CAST: variants seen among roughly 807,000 people sequenced by gnomAD.
The protein encoded by CAST is MIR583 host.
Under a neutral mutation model 119.6 loss-of-function variants are expected in CAST, and 76 were observed. That is an observed-to-expected ratio of 0.64 (90% CI 0.53 to 0.77). The LOEUF (loss-of-function observed/expected upper bound fraction) is 0.77, where lower values mean the gene tolerates loss of function less well. Ranked by LOEUF, CAST falls within the 30% of genes least tolerant of loss-of-function variation. The pLI is 0.00. For missense variants in CAST, 953 were observed against 946.5 expected (o/e 1.01, Z -0.09); for synonymous variants, 319 against 331.6 (o/e 0.96, Z 0.41).
chr5:96,412,752 GTTTT>G, the CAST span, among the ~76,000 whole-genome samples: 14 of 71,806 alleles, frequency 1.9e-4, no homozygotes, highest in African/African-American at 1.3e-3. Context: ...CAGCTGTGAT[GTTTT>G]TTTTTTTTTT....
the CAST span, among the ~76,000 whole-genome samples, chr5:96,402,665 C>A: frequency 1.3e-5 from 2 of 152,106 alleles, no homozygotes; most frequent in Non-Finnish European, 2.9e-5. Context: ...GTGTTTTCTC[C>A]GGTTTCAGAC....
At chr5:96,400,651 T>A in the CAST span, among the ~76,000 whole-genome samples, 2 of 152,238 alleles carry the variant, frequency 1.3e-5, no homozygotes, top group Non-Finnish European at 2.9e-5. Flanking sequence ...AGACACAGAC[T>A]GGCTACCTGC....
At chr5:96,175,277 G>A in the CAST span, among the ~76,000 whole-genome samples, 14 of 152,222 alleles carry the variant, frequency 9.2e-5, no homozygotes, top group Middle Eastern at 3.4e-3. Context: ...AAGTACAAGG[G>A]ACTTTCAGTT....
chr5:96,601,385 T>C (rs756740922), intron 1 of CAST, among the ~76,000 whole-genome samples: 3 of 152,216 alleles, frequency 2.0e-5, no homozygotes, highest in Non-Finnish European at 4.4e-5. Flanking sequence ...TTCCGCAGGA[T>C]CTGTGACCTT....
chr5:96,412,436 C>T, the CAST span: 2 of 1,614,014 alleles, frequency 1.2e-6, no homozygotes, highest in Non-Finnish European at 1.7e-6. Context: ...AGGATTGAAT[C>T]CAATTGAACT....
At chr5:96,123,509 G>A in the CAST span, among the ~76,000 whole-genome samples, 27 of 152,142 alleles carry the variant, frequency 1.8e-4, no homozygotes, top group African/African-American at 6.5e-4. Context: ...TTATTGGCAT[G>A]CATTTTAAGG....
At chr5:96,126,768 A>G in the CAST span, among the ~76,000 whole-genome samples, 15 of 152,244 alleles carry the variant, frequency 9.9e-5, no homozygotes, top group South Asian at 8.3e-4. Context: ...ATCTTTTTTA[A>G]TCTCTATAAT....
chr5:96,576,831 T>C (rs1252003021), intron 1 of CAST, among the ~76,000 whole-genome samples: 2 of 152,072 alleles, frequency 1.3e-5, no homozygotes, highest in African/African-American at 4.8e-5. Context: ...CTCTTTCCAG[T>C]TTTATTTTTT....
At chr5:96,002,416 G>A in the CAST span, among the ~76,000 whole-genome samples, 4 of 152,158 alleles carry the variant, frequency 2.6e-5, no homozygotes, top group African/African-American at 9.7e-5. Flanking sequence ...CAGGTCCTCT[G>A]CATGTGGTAG....
chr5:96,758,998 T>C (rs1332845627), intron 24 of CAST, among the ~76,000 whole-genome samples: 6 of 152,180 alleles, frequency 3.9e-5, no homozygotes, highest in Non-Finnish European at 2.9e-5. Flanking sequence ...GGTTGTTTTT[T>C]CTTTTAGAAA....
the CAST span, among the ~76,000 whole-genome samples, chr5:96,462,020 G>T: frequency 6.6e-6 from 1 of 152,078 alleles, no homozygotes; most frequent in African/African-American, 2.4e-5. Context: ...ATAGCATGGG[G>T]TCTTGAAAAG....
chr5:96,262,117 A>G, the CAST span, among the ~76,000 whole-genome samples: 1 of 152,226 alleles, frequency 6.6e-6, no homozygotes, highest in Non-Finnish European at 1.5e-5. Flanking sequence ...CTTGTGATGA[A>G]CTAGAAGCTA....
the CAST span, among the ~76,000 whole-genome samples, chr5:96,189,858 C>T: frequency 2.6e-5 from 4 of 152,020 alleles, no homozygotes; most frequent in African/African-American, 4.8e-5. Context: ...GAGTCAAATT[C>T]GAATTGTTTA....
chr5:96,119,652 A>G, the CAST span, among the ~76,000 whole-genome samples: 1,216 of 152,352 alleles, frequency 8.0e-3, 8 homozygotes, highest in Middle Eastern at 0.017. Flanking sequence ...GAAAAGAATG[A>G]TTTAAGATGA....
intron 1 of CAST, among the ~76,000 whole-genome samples, chr5:96,535,373 C>A (rs1297581092): frequency 1.6e-5 from 2 of 122,526 alleles, no homozygotes; most frequent in African/African-American, 5.8e-5. Context: ...ATTGTGGAAG[C>A]AAAGATAAAA....
At chr5:96,164,942 C>G in the CAST span, among the ~76,000 whole-genome samples, 1 of 151,896 alleles carries the variant, frequency 6.6e-6, no homozygotes, top group African/African-American at 2.4e-5. Context: ...GAGAAGGCAG[C>G]CTTGGTAGTG....
chr5:96,546,176 A>G (rs1447762835), intron 1 of CAST: 1 of 152,206 alleles, frequency 6.6e-6, no homozygotes, highest in Non-Finnish European at 1.5e-5. Flanking sequence ...TAGGGCCAAC[A>G]TAATGTGCAG....
At chr5:96,483,391 T>C in the CAST span, among the ~76,000 whole-genome samples, 1 of 152,210 alleles carries the variant, frequency 6.6e-6, no homozygotes, top group Non-Finnish European at 1.5e-5. Context: ...TGCCTAACAC[T>C]GCACTTTGTA....
the CAST span, chr5:96,400,000 C>A: frequency 1.2e-6 from 2 of 1,614,216 alleles, no homozygotes; most frequent in Non-Finnish European, 1.7e-6. Context: ...TCTTCTCAGG[C>A]ACGCTCCTCC....
Sources: gnomAD v4.1 joint callset for allele counts (sites outside exome capture counted in the v4.1 genomes callset) on GRCh38, gnomAD v4.1.1 for gene constraint, MANE v1.5 for transcripts, NCBI Gene and HGNC (gene_info 2026-07-23, HGNC 2026-07-21) for gene names.